Variants in HOMER1 observed in about 807,000 individuals in gnomAD.
HOMER1 encodes homer scaffold protein 1, also known as homer protein homolog 1.
In HOMER1, 3 loss-of-function variants were observed where a neutral mutation model predicts 48.9. That is an observed-to-expected ratio of 0.06 (90% CI 0.03 to 0.16). The LOEUF (loss-of-function observed/expected upper bound fraction) is 0.16. Among genes scored for constraint, HOMER1 ranks in the 10% least tolerant of loss-of-function variants. HOMER1 has a pLI of 1.00. For missense variants in HOMER1, 247 were observed against 411.4 expected (o/e 0.60, Z 3.46); for synonymous variants, 134 against 146.4 (o/e 0.92, Z 0.61).
chr5:79,500,247 C>A lies in HOMER1; in HGVS notation c.5+12523G>T, dbSNP rs991266704. Among the ~76,000 whole-genome samples, 2 of 151,832 alleles carry A rather than the reference C, an allele frequency of 1.3e-5. 1 individual carries two copies. Among genetic ancestry groups the A allele is most frequent in the African/African-American group, 4.8e-5 (2 of 41,300 alleles). On this transcript the variant is annotated intron_variant, in intron 1 of 8. Transcript: ENST00000334082. ...GGTGAAGGATTACTATTAAAAAAAACCACAGCTATTTAATATGAATCGAGA... is the reference window on the plus strand; with the variant it reads ...GGTGAAGGATTACTATTAAAAAAAAACACAGCTATTTAATATGAATCGAGA...
chr5:79,488,423 G>T (rs921968514), intron 1 of HOMER1, among the ~76,000 whole-genome samples: 2 of 152,188 alleles, frequency 1.3e-5, no homozygotes, highest in African/African-American at 4.8e-5. Flanking sequence ...GTTTTCCTAT[G>T]TGAGAATACA....
At chr5:79,472,585 G>A (rs1008600629) in intron 1 of HOMER1, among the ~76,000 whole-genome samples, 2 of 151,584 alleles carry the variant, frequency 1.3e-5, no homozygotes, top group African/African-American at 4.9e-5. Context: ...GACCAACCTG[G>A]ACCACGTAGT....
chr5:79,466,236 C>G (rs1216042426), intron 1 of HOMER1, among the ~76,000 whole-genome samples: 1 of 151,956 alleles, frequency 6.6e-6, no homozygotes, highest in Non-Finnish European at 1.5e-5. Context: ...CATTTTTAGG[C>G]TGGGTGTGGT....
intron 1 of HOMER1, among the ~76,000 whole-genome samples, chr5:79,465,578 TTTC>T (rs1345715977): frequency 3.6e-5 from 5 of 138,042 alleles, no homozygotes; most frequent in Non-Finnish European, 7.7e-5. Context: ...ACTGTTTACA[TTTC>T]TTCTTTTTTT....
At chr5:79,438,913 G>T in intron 5 of HOMER1, 97 bp downstream of exon 5, 11 of 931,494 alleles carry the variant, frequency 1.2e-5, no homozygotes, top group African/African-American at 1.7e-5. Context: ...TCAACCTGGA[G>T]TTTTCACTCA....
At chr5:79,442,739 A>G (rs1219292950) in intron 4 of HOMER1, among the ~76,000 whole-genome samples, 1 of 152,234 alleles carries the variant, frequency 6.6e-6, no homozygotes, top group Non-Finnish European at 1.5e-5. Context: ...CTGTTTTCTC[A>G]GCAGAGGGCC....
Position 79,397,616 on chromosome 5 carries a change from T to C in HOMER1, c.706A>G (p.Ser236Gly). The C allele has an allele frequency of 6.2e-7, 1 of 1,604,388 alleles. No individual in the cohort carries two copies. Among genetic ancestry groups the C allele is most frequent in the Non-Finnish European group, 8.5e-7 (1 of 1,174,990 alleles). The change falls in exon 7 of 9, where the codon AGT becomes GGT. Residue 236 changes from serine (S) to glycine (G), a missense_variant. By Grantham distance (56) the Ser-to-Gly change is moderately conservative (BLOSUM62 0). Around this residue, in one of 4 missense-constraint regions of HOMER1, gnomAD observed 113 missense variants for 152.5 expected, o/e 0.74. Transcript: ENST00000334082. ...HKRVTELECV[S>G]SQANAVHTHK... Reference sequence around the variant, plus strand: ...GTATGTACTGCATTTGCTTGGCTACTAACACATTCAAGTTCAGTCACCTAA... The same window carrying C: ...GTATGTACTGCATTTGCTTGGCTACCAACACATTCAAGTTCAGTCACCTAA...
intron 5 of HOMER1, among the ~76,000 whole-genome samples, chr5:79,404,698 TTTTC>T (rs139502062): frequency 0.031 from 4,630 of 151,562 alleles, 201 homozygotes; most frequent in African/African-American, 0.1. Context: ...ACATTCTGCC[TTTTC>T]TTTCTTTCTT....
intron 1 of HOMER1, 47 bp from the exon 2 acceptor site, chr5:79,457,065 T>C: frequency 6.4e-7 from 1 of 1,571,346 alleles, no homozygotes; most frequent in South Asian, 1.1e-5. Context: ...GCCAGTTTTA[T>C]TTCACTAGAC....
Position 79,397,524 on chromosome 5 carries a change from T to C in HOMER1, c.795+3A>G. ...TTACAGATGAGTAAAAAGCAGCAAA[T>C]ACCTCTTCCTTCAGTTTCAGTGTCT... On this transcript the variant is annotated splice_donor_region_variant and intron_variant, in intron 7 of 8. Coordinates refer to ENST00000334082, the MANE Select transcript of HOMER1 (RefSeq NM_004272.5). 1 of 1,524,158 alleles carries C rather than the reference T, an allele frequency of 6.6e-7. No individual in the cohort carries two copies. Among genetic ancestry groups the C allele is most frequent in the Non-Finnish European group, 9.1e-7 (1 of 1,101,176 alleles). The allele number at this position is 1,524,158 out of a possible 1,614,324, so 94.4% of individuals were successfully genotyped here.
At chr5:79,410,267 G>A (rs1057142841) in intron 5 of HOMER1, among the ~76,000 whole-genome samples, 1 of 151,820 alleles carries the variant, frequency 6.6e-6, no homozygotes, top group African/African-American at 2.4e-5. Context: ...CGAGGCGGGC[G>A]AACCACCTGA....
rs187756817 is a variant in HOMER1, at chr5:79,394,416, A to G, written c.876+2407T>C. 3.0e-3 allele frequency among the ~76,000 whole-genome samples: 458 copies of G among 152,298 alleles called. 6 individuals carry two copies. The highest frequency in any genetic ancestry group is 0.01 in the African/African-American group (434 of 41,570). ...GTTATTTTCTGTAGCTTGTTCTTTTAGAATTCATCCTCAGGTTTTCTAAAA... is the reference window on the plus strand; with the variant it reads ...GTTATTTTCTGTAGCTTGTTCTTTTGGAATTCATCCTCAGGTTTTCTAAAA... On this transcript the variant is annotated intron_variant, in intron 8 of 8. Transcript: ENST00000334082.
chr5:79,451,149 C>A, intron 2 of HOMER1, 28 bp from the exon 3 acceptor site: 1 of 1,600,728 alleles, frequency 6.2e-7, no homozygotes, highest in Non-Finnish European at 8.5e-7. Context: ...TATGAGCAAC[C>A]AGCAAAAAAT....
intron 1 of HOMER1, among the ~76,000 whole-genome samples, chr5:79,494,996 T>A (rs1255727835): frequency 6.6e-6 from 1 of 152,258 alleles, no homozygotes. Flanking sequence ...TAAAGTCATA[T>A]GCAGGAAGAA....
At chr5:79,442,332 C>T (rs1750758422) in intron 4 of HOMER1, among the ~76,000 whole-genome samples, 1 of 152,200 alleles carries the variant, frequency 6.6e-6, no homozygotes, top group Non-Finnish European at 1.5e-5. Context: ...TCTCTTCCTA[C>T]CCATTTGTGA....
rs756900477 is a variant in HOMER1, at chr5:79,378,221, T to TTAAAAAAAAAAAAAAAAA, written c.877-2025_877-2024insTTTTTTTTTTTTTTTTTA. On this transcript the variant is annotated intron_variant, in intron 8 of 8. Coordinates refer to ENST00000334082, the MANE Select transcript of HOMER1 (RefSeq NM_004272.5). ...TGGGGTGACAGAGTAAGACTCTGTC[T>TTAAAAAAAAAAAAAAAAA]CAAAAAAAAAAAAAAAAAAAGGAAA... Among the ~76,000 whole-genome samples, 6 of 97,484 alleles carry TTAAAAAAAAAAAAAAAAA rather than the reference T, an allele frequency of 6.2e-5. 2 individuals are homozygous for TTAAAAAAAAAAAAAAAAA. Among genetic ancestry groups the TTAAAAAAAAAAAAAAAAA allele is most frequent in the African/African-American group, 1.9e-4 (4 of 21,378 alleles). 64.0% of individuals were successfully genotyped at this position (97,484 alleles called of 152,430 possible). A position where few individuals can be genotyped will look rare whatever the true frequency, so the allele number is the denominator to read the frequency against.
chr5:79,492,981 C>T (rs1213253416), intron 1 of HOMER1, among the ~76,000 whole-genome samples: 8 of 139,878 alleles, frequency 5.7e-5, no homozygotes, highest in African/African-American at 1.6e-4. Flanking sequence ...TGCAGTGGCA[C>T]GATCGTGGCT....
chr5:79,411,023 G>A (rs751860470), intron 5 of HOMER1, among the ~76,000 whole-genome samples: 1 of 152,198 alleles, frequency 6.6e-6, no homozygotes, highest in Non-Finnish European at 1.5e-5. Context: ...CAACGCTGGA[G>A]TAAGGGCAAA....
At chr5:79,468,585 GGACTA>G (rs1434245006) in intron 1 of HOMER1, among the ~76,000 whole-genome samples, 31 of 152,108 alleles carry the variant, frequency 2.0e-4, no homozygotes, top group Non-Finnish European at 7.4e-5. Context: ...GGAGAACGTT[GGACTA>G]GACAATATTT....
Sources: allele counts gnomAD v4.1 joint callset (sites outside exome capture counted in the v4.1 genomes callset), GRCh38; gene constraint gnomAD v4.1.1; regional missense constraint gnomAD v4.1.1; transcripts MANE v1.5; gene names NCBI Gene and HGNC (gene_info 2026-07-23, HGNC 2026-07-21).